HPCAL1: variants seen among roughly 807,000 people sequenced by gnomAD.
HPCAL1 encodes hippocalcin like 1.
In HPCAL1, 8 loss-of-function variants were observed where a neutral mutation model predicts 17.1. The ratio of observed to expected loss-of-function variants is 0.47; its 90% CI spans 0.27 to 0.84. HPCAL1 has a LOEUF of 0.84. Among genes scored for constraint, HPCAL1 ranks in the 40% least tolerant of loss-of-function variants. HPCAL1 has a pLI of 0.13. For missense variants in HPCAL1, 165 were observed against 271.1 expected (o/e 0.61, Z 2.75); for synonymous variants, 112 against 111.4 (o/e 1.01, Z -0.03).
intron 1 of HPCAL1, among the ~76,000 whole-genome samples, chr2:10,379,951 C>T (rs1667837056): frequency 6.6e-6 from 1 of 152,180 alleles, no homozygotes; most frequent in Non-Finnish European, 1.5e-5. Flanking sequence ...ACCATGAATA[C>T]TTTGGACAAA....
At chr2:10,324,041 T>G (rs1663835477) in intron 1 of HPCAL1, among the ~76,000 whole-genome samples, 1 of 152,248 alleles carries the variant, frequency 6.6e-6, no homozygotes, top group African/African-American at 2.4e-5. Flanking sequence ...TTTTTCCAGT[T>G]AATGAAAATT....
chr2:10,378,690 G>A (rs940000667), intron 1 of HPCAL1, among the ~76,000 whole-genome samples: 3 of 152,110 alleles, frequency 2.0e-5, no homozygotes, highest in Admixed American at 6.5e-5. Context: ...GGGTTAGGGC[G>A]CCTGGGTACA....
intron 2 of HPCAL1, among the ~76,000 whole-genome samples, chr2:10,400,496 C>T (rs567424071): frequency 5.3e-5 from 8 of 152,306 alleles, no homozygotes; most frequent in African/African-American, 1.4e-4. Context: ...CTGGCCAGGC[C>T]GTGGATCCCA....
chr2:10,352,324 G>C (rs1295887028), intron 1 of HPCAL1, among the ~76,000 whole-genome samples: 1 of 152,116 alleles, frequency 6.6e-6, no homozygotes, highest in Admixed American at 6.5e-5. Context: ...TCGCCTGTTT[G>C]GGACCTCACT....
intron 2 of HPCAL1, among the ~76,000 whole-genome samples, chr2:10,398,793 T>C (rs943340909): frequency 1.3e-5 from 2 of 152,098 alleles, no homozygotes; most frequent in Non-Finnish European, 2.9e-5. Flanking sequence ...AGCTGCTGGG[T>C]TGGGAGGAGA....
At chr2:10,424,904 T>G (rs1435647696) in intron 4 of HPCAL1, 6 of 308,198 alleles carry the variant, frequency 1.9e-5, no homozygotes, top group Non-Finnish European at 2.6e-5. Context: ...TAGGCTGGGC[T>G]GATGGGTTTC....
chr2:10,320,841 G>A (rs1469246136), intron 1 of HPCAL1, among the ~76,000 whole-genome samples: 1 of 152,128 alleles, frequency 6.6e-6, no homozygotes, highest in Non-Finnish European at 1.5e-5. Context: ...GCCCGCTCAG[G>A]GCTTCTGTTT....
At chr2:10,426,570 T>C in intron 4 of HPCAL1, 154 bp from the exon 5 acceptor site, 1 of 676,736 alleles carries the variant, frequency 1.5e-6, no homozygotes, top group Non-Finnish European at 2.7e-6. Flanking sequence ...GAAATGCCTG[T>C]AAAGTGAATG....
intron 1 of HPCAL1, among the ~76,000 whole-genome samples, chr2:10,327,335 T>C (rs1390121429): frequency 6.6e-6 from 1 of 152,228 alleles, no homozygotes; most frequent in Non-Finnish European, 1.5e-5. Context: ...GTAGCTGTTA[T>C]GGATGGCCTG....
At chr2:10,335,202 G>A (rs1397588268) in intron 1 of HPCAL1, among the ~76,000 whole-genome samples, 1 of 152,150 alleles carries the variant, frequency 6.6e-6, no homozygotes, top group African/African-American at 2.4e-5. Context: ...CTAACAAATA[G>A]AACACAGCAG....
At chr2:10,371,085 G>C (rs11687979) in intron 1 of HPCAL1, among the ~76,000 whole-genome samples, 12,455 of 152,260 alleles carry the variant, frequency 0.082, 608 homozygotes, top group Middle Eastern at 0.16. Context: ...GAGGAGGCCA[G>C]TGGGCAGGTG....
At chr2:10,418,652 C>T (rs1670833860) in intron 2 of HPCAL1, among the ~76,000 whole-genome samples, 1 of 152,032 alleles carries the variant, frequency 6.6e-6, no homozygotes, top group African/African-American at 2.4e-5. Flanking sequence ...CCATGTACTT[C>T]AAAAATTATC....
At chr2:10,320,440 C>T (rs1663601474) in intron 1 of HPCAL1, among the ~76,000 whole-genome samples, 1 of 152,170 alleles carries the variant, frequency 6.6e-6, no homozygotes, top group Admixed American at 6.5e-5. Flanking sequence ...CCCTGCTCTC[C>T]CTTCTGCTCC....
chr2:10,392,297 T>C (rs984022853), intron 1 of HPCAL1, among the ~76,000 whole-genome samples: 1 of 152,228 alleles, frequency 6.6e-6, no homozygotes, highest in African/African-American at 2.4e-5. Flanking sequence ...CACCTTGGCC[T>C]CCCTTAGGGC....
At chr2:10,322,958 C>G (rs1257633970) in intron 1 of HPCAL1, among the ~76,000 whole-genome samples, 2 of 152,198 alleles carry the variant, frequency 1.3e-5, no homozygotes, top group East Asian at 1.9e-4. Context: ...TCCCTGGGGG[C>G]TCTTGACAGA....
rs767342864 is a variant in HPCAL1 at position 10,365,339 on chromosome 2, C to T, written c.-110-31496C>T. ...GGTGGTGGCGCGGTAATTGCAAGAGCGTGAGCCCCTCCTCTGGGGCATGTT... is the reference window on the plus strand; with the variant it reads ...GGTGGTGGCGCGGTAATTGCAAGAGTGTGAGCCCCTCCTCTGGGGCATGTT... On this transcript the variant is annotated intron_variant, in intron 1 of 4. Coordinates refer to ENST00000307845, the MANE Select transcript of HPCAL1 (RefSeq NM_002149.4). The surrounding 1 kb of genome is among the most constrained non-coding windows in gnomAD (Gnocchi z 4.8). Among the ~76,000 whole-genome samples the T allele has an allele frequency of 5.3e-5, 8 of 152,172 alleles. No individual in the cohort carries two copies. Among genetic ancestry groups the T allele is most frequent in the Admixed American group, 1.3e-4 (2 of 15,280 alleles).
At position 10,427,294 on chromosome 2, in the gene HPCAL1, A is replaced by T. The variant is rs1671481620; in HGVS notation, c.*473A>T. The T allele has an allele frequency of 6.0e-6, 1 of 165,984 alleles. No individual in the cohort carries two copies. Among genetic ancestry groups the T allele is most frequent in the Non-Finnish European group, 1.3e-5 (1 of 76,628 alleles). 10.3% of individuals were successfully genotyped at this position (165,984 alleles called of 1,614,324 possible). Reference sequence around the variant, plus strand: ...CATTTTCTCCACCACAGCCGCTTGCACGTATAGATACTGTGGTCCCCTTTC... The same window carrying T: ...CATTTTCTCCACCACAGCCGCTTGCTCGTATAGATACTGTGGTCCCCTTTC... On this transcript the variant is annotated 3_prime_UTR_variant, in exon 5 of 5. Coordinates refer to ENST00000307845, the MANE Select transcript of HPCAL1 (RefSeq NM_002149.4).
intron 1 of HPCAL1, among the ~76,000 whole-genome samples, chr2:10,366,472 G>A (rs552098700): frequency 5.3e-4 from 80 of 152,244 alleles, no homozygotes; most frequent in African/African-American, 1.9e-3. Context: ...CTGACCTCAG[G>A]GGATCCACCT....
At chr2:10,425,271 G>A (rs898846340) in intron 4 of HPCAL1, 2 of 152,740 alleles carry the variant, frequency 1.3e-5, no homozygotes, top group African/African-American at 2.4e-5. Flanking sequence ...GGAGGGTGGG[G>A]AGCCACTCTC....
Sources: gnomAD v4.1 joint callset for allele counts (sites outside exome capture counted in the v4.1 genomes callset) on GRCh38, gnomAD v4.1.1 for gene constraint, Gnocchi (gnomAD v3.1) non-coding constraint, MANE v1.5 for transcripts, NCBI Gene and HGNC (gene_info 2026-07-23, HGNC 2026-07-21) for gene names.